TTC28: variants seen among roughly 807,000 people sequenced by gnomAD.
TTC28 encodes tetratricopeptide repeat domain 28.
In TTC28, 61 loss-of-function variants were observed where a neutral mutation model predicts 198.0. The ratio of observed to expected loss-of-function variants is 0.31; its 90% confidence interval spans 0.25 to 0.38. TTC28 has a LOEUF of 0.38. Ranked by LOEUF, TTC28 falls within the 10% of genes least tolerant of loss-of-function variation. The pLI is 1.00. For synonymous variants in TTC28, 1,171 were observed against 1,297.8 expected, an observed-to-expected ratio of 0.90 and a Z score of 2.10; for missense variants, 2,678 against 3,164.0, an observed-to-expected ratio of 0.85 and a Z score of 3.69.
At chr22:28,239,712 C>A (rs1929525182) in intron 5 of TTC28, among the ~76,000 whole-genome samples, 1 of 151,978 alleles carries the variant, frequency 6.6e-6, no homozygotes, top group Non-Finnish European at 1.5e-5. Context: ...CAGGCTCTCA[C>A]AGGAAACATT....
Position 28,105,683 on chromosome 22 carries a change from C to T in TTC28, c.2903G>A (p.Ser968Asn), listed in dbSNP as rs1410862253. Residue 968 changes from serine to asparagine, a missense_variant, in exon 8 of 23, where the codon AGC becomes AAC. Ser to Asn is a conservative substitution (Grantham distance 46). Around this residue, in one of 8 missense-constraint regions of TTC28, gnomAD observed 727 missense variants for 861.9 expected, o/e 0.84. Transcript: ENST00000397906. ...GGCTTGTTCGTAATTCCCTAATTGG[C>T]TGTGCAGACTTCCCAGCTCTCCATA... ...QAYGELGSLH[S>N]QLGNYEQAIS... The T allele has an allele frequency of 5.2e-6, 8 of 1,551,904 alleles. No homozygotes were observed. In the South Asian group the frequency reaches 8.3e-5, roughly 16 times the overall value.
chr22:28,300,449 T>C (rs2044996090), intron 3 of TTC28, among the ~76,000 whole-genome samples: 1 of 152,072 alleles, frequency 6.6e-6, no homozygotes. Flanking sequence ...ACGTGGAAGA[T>C]TCCCAAAAGA....
intron 2 of TTC28, among the ~76,000 whole-genome samples, chr22:28,463,752 G>A (rs1568959948): frequency 6.6e-6 from 1 of 151,920 alleles, no homozygotes; most frequent in Non-Finnish European, 1.5e-5. Context: ...TCACACACCG[G>A]GGCCTGTTGT....
intron 12 of TTC28, among the ~76,000 whole-genome samples, chr22:28,052,699 G>A (rs1219422779): frequency 6.6e-6 from 1 of 152,130 alleles, no homozygotes; most frequent in African/African-American, 2.4e-5. Context: ...ATAATGTCTC[G>A]AGTGTTTTAT....
intron 2 of TTC28, among the ~76,000 whole-genome samples, chr22:28,574,289 G>C (rs1601583102): frequency 6.6e-6 from 1 of 152,294 alleles, no homozygotes; most frequent in South Asian, 2.1e-4. Context: ...TGGGATTACA[G>C]GCATGAGCCA....
intron 2 of TTC28, among the ~76,000 whole-genome samples, chr22:28,591,819 G>A (rs1265567955): frequency 6.6e-6 from 1 of 152,060 alleles, no homozygotes; most frequent in Non-Finnish European, 1.5e-5. Flanking sequence ...TATGAGCTAG[G>A]AAGTAATTTC....
At chr22:28,613,922 C>T (rs919135333) in intron 2 of TTC28, among the ~76,000 whole-genome samples, 3 of 152,086 alleles carry the variant, frequency 2.0e-5, no homozygotes, top group African/African-American at 7.2e-5. Flanking sequence ...CTATTCAACA[C>T]AGTATTGGAA....
At chr22:28,555,794 T>C (rs1451589543) in intron 2 of TTC28, among the ~76,000 whole-genome samples, 1 of 152,176 alleles carries the variant, frequency 6.6e-6, no homozygotes, top group Non-Finnish European at 1.5e-5. Context: ...AAAGTACTTA[T>C]TAATGTAACC....
chr22:28,450,464 C>A (rs1014833235), intron 2 of TTC28, among the ~76,000 whole-genome samples: 6 of 152,156 alleles, frequency 3.9e-5, no homozygotes, highest in African/African-American at 1.4e-4. Flanking sequence ...TAACTCTGTA[C>A]ATGGACATAA....
At chr22:28,669,572 A>G (rs1332434615) in intron 1 of TTC28, among the ~76,000 whole-genome samples, 4 of 152,216 alleles carry the variant, frequency 2.6e-5, no homozygotes, top group Non-Finnish European at 1.5e-5. Flanking sequence ...GTCAAAGGGA[A>G]GATCTTTGTG....
At chr22:28,184,218 G>A (rs1405644190) in intron 5 of TTC28, among the ~76,000 whole-genome samples, 1 of 152,144 alleles carries the variant, frequency 6.6e-6, no homozygotes, top group African/African-American at 2.4e-5. Flanking sequence ...TTAATCACTA[G>A]TAGCTATTAT....
At chr22:28,614,603 T>A (rs2050871817) in intron 2 of TTC28, among the ~76,000 whole-genome samples, 1 of 151,972 alleles carries the variant, frequency 6.6e-6, no homozygotes, top group South Asian at 2.1e-4. Context: ...GATATATAGA[T>A]CAACAGAACA....
intron 5 of TTC28, among the ~76,000 whole-genome samples, chr22:28,244,559 C>T (rs1929939665): frequency 6.6e-6 from 1 of 152,138 alleles, no homozygotes; most frequent in African/African-American, 2.4e-5. Flanking sequence ...TAACTGACTT[C>T]AGAAATTGTT....
At chr22:28,293,409 T>A (rs1043627487) in intron 5 of TTC28, among the ~76,000 whole-genome samples, 1 of 151,670 alleles carries the variant, frequency 6.6e-6, no homozygotes. Flanking sequence ...ATATATGGAG[T>A]CTAAAATAGC....
In TTC28 at chr22:27,993,440, C is replaced by T. The variant is rs1280764670; in HGVS notation, c.5323G>A (p.Val1775Met). The change falls in exon 18 of 23, where the codon GTG becomes ATG. Residue 1775 changes from valine to methionine, a missense_variant. Coordinates refer to ENST00000397906, the MANE Select transcript of TTC28 (RefSeq NM_001145418.2). ...YTSQQSVENKVGGIPGWQALL... is the reference protein window; with the variant it reads ...YTSQQSVENKMGGIPGWQALL... ...GCCTGCCAGCCAGGGATGCCGCCCA[C>T]TTTGTTCTCCACACTCTGCTGGGAT... 1.3e-6 allele frequency: 2 copies of T among 1,551,658 alleles called. No individual in the cohort carries two copies. The highest frequency in any genetic ancestry group is 4.9e-5 in the East Asian group (2 of 40,916).
At chr22:28,432,629 G>A (rs578164052) in intron 2 of TTC28, among the ~76,000 whole-genome samples, 1 of 152,100 alleles carries the variant, frequency 6.6e-6, no homozygotes, top group Non-Finnish European at 1.5e-5. Context: ...TGAGAACCAC[G>A]CTAGCATCAG....
intron 5 of TTC28, among the ~76,000 whole-genome samples, chr22:28,274,976 TAAAAAAAA>T (rs34582010): frequency 0.027 from 2,072 of 77,904 alleles, 80 homozygotes; most frequent in African/African-American, 0.088. Context: ...GAGACTGTCT[TAAAAAAAA>T]AAAAAAAAAA....
intron 2 of TTC28, among the ~76,000 whole-genome samples, chr22:28,616,754 G>A (rs2050910689): frequency 6.6e-6 from 1 of 151,970 alleles, no homozygotes; most frequent in Non-Finnish European, 1.5e-5. Context: ...GTCTGAGGCA[G>A]AAGGATCACT....
At chr22:28,569,700 A>C (rs951598460) in intron 2 of TTC28, among the ~76,000 whole-genome samples, 1 of 152,192 alleles carries the variant, frequency 6.6e-6, no homozygotes, top group Non-Finnish European at 1.5e-5. Context: ...AAAGCAAAAA[A>C]TTGGCAAGTG....
Sources: allele counts gnomAD v4.1 joint callset (sites outside exome capture counted in the v4.1 genomes callset), GRCh38; gene constraint gnomAD v4.1.1; regional missense constraint gnomAD v4.1.1; transcripts MANE v1.5; gene names NCBI Gene and HGNC (gene_info 2026-07-23, HGNC 2026-07-21).